Variants in SHLD1 observed in about 807,000 individuals in gnomAD.
SHLD1 encodes the protein RINN1-REV7-interacting novel NHEJ regulator 3.
SHLD1 carries 3 observed loss-of-function variants against 5.5 expected under a neutral mutation model. The ratio of observed to expected loss-of-function variants is 0.54; its 90% CI spans 0.25 to 1.40. SHLD1 has a LOEUF of 1.40. Among genes scored for constraint, SHLD1 ranks in the 40% most tolerant of loss-of-function variants. The pLI is 0.15. For missense variants in SHLD1, 210 were observed against 244.4 expected (o/e 0.86, Z 0.94); for synonymous variants, 92 against 94.3 (o/e 0.98, Z 0.14).
intron 2 of SHLD1, among the ~76,000 whole-genome samples, chr20:5,825,944 T>A (rs2087660727): frequency 6.6e-6 from 1 of 152,172 alleles, no homozygotes; most frequent in African/African-American, 2.4e-5. Flanking sequence ...GGGCTTGAAT[T>A]TTCTGGACCA....
At chr20:5,760,237 G>GGT (rs1984382544) in intron 1 of SHLD1, among the ~76,000 whole-genome samples, 1 of 152,010 alleles carries the variant, frequency 6.6e-6, no homozygotes, top group Non-Finnish European at 1.5e-5. Context: ...GTAAAACCCA[G>GGT]GTGTGTGTGT....
At chr20:5,782,971 A>T (rs958258367) in intron 2 of SHLD1, among the ~76,000 whole-genome samples, 1 of 152,254 alleles carries the variant, frequency 6.6e-6, no homozygotes, top group African/African-American at 2.4e-5. Flanking sequence ...AAGACATTTT[A>T]TAGTTGCATT....
intron 2 of SHLD1, among the ~76,000 whole-genome samples, chr20:5,845,101 C>G (rs1241095642): frequency 6.6e-6 from 1 of 151,994 alleles, no homozygotes; most frequent in Non-Finnish European, 1.5e-5. Context: ...CCCAGCCAGA[C>G]ATATATTAAT....
intron 2 of SHLD1, among the ~76,000 whole-genome samples, chr20:5,781,360 T>A (rs2086986962): frequency 6.6e-6 from 1 of 152,126 alleles, no homozygotes. Flanking sequence ...ATTGTACCAC[T>A]GCACTCTAGC....
At chr20:5,761,691 T>C (rs1198068007) in intron 1 of SHLD1, among the ~76,000 whole-genome samples, 1 of 149,386 alleles carries the variant, frequency 6.7e-6, no homozygotes, top group Non-Finnish European at 1.5e-5. Context: ...CACTGCAACC[T>C]CCGCTTCCCA....
chr20:5,860,828 A>G (rs1341208895), intron 2 of SHLD1, among the ~76,000 whole-genome samples: 1 of 150,062 alleles, frequency 6.7e-6, no homozygotes, highest in Non-Finnish European at 1.5e-5. Flanking sequence ...GAACTTGGGT[A>G]AAAGCTCTGG....
Position 5,834,396 on chromosome 20 carries a change from C to CA in SHLD1, c.179-28622dup, listed in dbSNP as rs1468957173. On this transcript the variant is annotated intron_variant, in intron 2 of 2. Transcript: ENST00000303142. Reference sequence around the variant, plus strand: ...GAGATTATTTATATAATAATATAGGCAAAAAATGCTACAAACTCATCCAGC... The same window carrying CA: ...GAGATTATTTATATAATAATATAGGCAAAAAAATGCTACAAACTCATCCAGC... Among the ~76,000 whole-genome samples, 399 of 152,116 alleles carry CA rather than the reference C, an allele frequency of 2.6e-3. 2 individuals are homozygous for CA. The highest frequency in any genetic ancestry group is 8.8e-3 in the African/African-American group (366 of 41,500).
chr20:5,755,492 A>G (rs1984026186), intron 1 of SHLD1, among the ~76,000 whole-genome samples: 2 of 152,204 alleles, frequency 1.3e-5, no homozygotes, highest in African/African-American at 2.4e-5. Context: ...ATTGTCTTCC[A>G]TGAAACTGGT....
chr20:5,797,518 A>T (rs1309522164), intron 2 of SHLD1, among the ~76,000 whole-genome samples: 2 of 152,274 alleles, frequency 1.3e-5, no homozygotes, highest in African/African-American at 4.8e-5. Context: ...AGCTATGAAC[A>T]TACCACTGCA....
chr20:5,847,011 G>C (rs774700551), intron 2 of SHLD1, among the ~76,000 whole-genome samples: 1 of 151,986 alleles, frequency 6.6e-6, no homozygotes, highest in African/African-American at 2.4e-5. Flanking sequence ...GGAAGCCCTC[G>C]AACTCCCCTG....
intron 2 of SHLD1, among the ~76,000 whole-genome samples, chr20:5,814,382 T>G (rs2087500455): frequency 6.6e-6 from 1 of 152,162 alleles, no homozygotes; most frequent in African/African-American, 2.4e-5. Context: ...GAAATTGTCT[T>G]ATAGGACCCA....
At chr20:5,784,617 A>AT (rs1422521846) in intron 2 of SHLD1, among the ~76,000 whole-genome samples, 1 of 151,450 alleles carries the variant, frequency 6.6e-6, no homozygotes, top group East Asian at 1.9e-4. Context: ...CGCCCGGCTA[A>AT]TTTTTTATAT....
intron 1 of SHLD1, among the ~76,000 whole-genome samples, chr20:5,761,921 T>C (rs1178971208): frequency 6.6e-6 from 1 of 151,970 alleles, no homozygotes; most frequent in Non-Finnish European, 1.5e-5. Context: ...TGTATTAATT[T>C]CATATAATTC....
At chr20:5,762,971 CAAAAA>C (rs561487362) in intron 1 of SHLD1, among the ~76,000 whole-genome samples, 3 of 102,722 alleles carry the variant, frequency 2.9e-5, no homozygotes, top group African/African-American at 3.9e-5. Context: ...GACTCCGTCT[CAAAAA>C]AAAAAAAAAA....
chr20:5,851,511 AAAGAG>A (rs2088008899), intron 2 of SHLD1, among the ~76,000 whole-genome samples: 2 of 151,996 alleles, frequency 1.3e-5, no homozygotes, highest in South Asian at 4.2e-4. Flanking sequence ...AAAAAAAAGA[AAAGAG>A]AAGTCTACAC....
At chr20:5,814,386 G>C (rs2087500529) in intron 2 of SHLD1, among the ~76,000 whole-genome samples, 1 of 152,058 alleles carries the variant, frequency 6.6e-6, no homozygotes, top group African/African-American at 2.4e-5. Flanking sequence ...TTGTCTTATA[G>C]GACCCAAGAA....
At chr20:5,859,314 G>A (rs761841480) in intron 2 of SHLD1, among the ~76,000 whole-genome samples, 5 of 152,118 alleles carry the variant, frequency 3.3e-5, no homozygotes, top group Non-Finnish European at 7.4e-5. Flanking sequence ...TGGTATTTGG[G>A]AGATGGACCA....
chr20:5,847,792 A>C (rs2087949859), intron 2 of SHLD1, among the ~76,000 whole-genome samples: 1 of 152,184 alleles, frequency 6.6e-6, no homozygotes, highest in African/African-American at 2.4e-5. Context: ...TGGGGGTGTG[A>C]TTGTTATTCT....
chr20:5,777,549 A>T (rs1211323259), intron 2 of SHLD1, among the ~76,000 whole-genome samples: 13 of 151,858 alleles, frequency 8.6e-5, no homozygotes, highest in African/African-American at 1.2e-4. Context: ...CCTCTGAAGT[A>T]GTTAAGACTA....
Sources: allele counts gnomAD v4.1 joint callset (sites outside exome capture counted in the v4.1 genomes callset), GRCh38; gene constraint gnomAD v4.1.1; transcripts MANE v1.5; gene names NCBI Gene and HGNC (gene_info 2026-07-23, HGNC 2026-07-21).